PRKCE: variants seen among roughly 807,000 people sequenced by gnomAD.
PRKCE encodes the protein protein kinase C epsilon, also known as protein kinase C epsilon type.
In PRKCE, 16 loss-of-function variants were observed where a neutral mutation model predicts 85.4. The ratio of observed to expected loss-of-function variants is 0.19; its 90% CI spans 0.13 to 0.28. The LOEUF (loss-of-function observed/expected upper bound fraction) is 0.28, where lower values mean the gene tolerates loss of function less well. Among genes scored for constraint, PRKCE ranks in the 10% least tolerant of loss-of-function variants. PRKCE has a pLI of 1.00. For synonymous variants in PRKCE, 388 were observed against 371.5 expected, an observed-to-expected ratio of 1.04 and a Z score of -0.51; for missense variants, 573 against 975.2, an observed-to-expected ratio of 0.59 and a Z score of 5.49.
chr2:45,793,904 T>C (rs111279205), intron 1 of PRKCE, among the ~76,000 whole-genome samples: 11 of 152,334 alleles, frequency 7.2e-5, no homozygotes, highest in African/African-American at 2.4e-4. Flanking sequence ...ACATTTTTTT[T>C]TTCTTGCTTG....
At chr2:46,064,250 C>G (rs1667412598) in intron 10 of PRKCE, among the ~76,000 whole-genome samples, 1 of 146,598 alleles carries the variant, frequency 6.8e-6, no homozygotes, top group Non-Finnish European at 1.5e-5. Context: ...CCACTGCATT[C>G]CACCTGGGTG....
At chr2:46,168,907 C>G (rs905464092) in intron 14 of PRKCE, among the ~76,000 whole-genome samples, 1 of 152,146 alleles carries the variant, frequency 6.6e-6, no homozygotes, top group South Asian at 2.1e-4. Context: ...TAAGCAATGC[C>G]CTCCTGCCTA....
chr2:45,733,775 G>A (rs140654715), intron 1 of PRKCE, among the ~76,000 whole-genome samples: 90 of 152,248 alleles, frequency 5.9e-4, no homozygotes, highest in African/African-American at 2.1e-3. Context: ...GGGGCTTCAA[G>A]GGACCTGGAT....
rs150939556 is a variant in PRKCE at position 45,791,105 on chromosome 2, A to G, written c.349-51895A>G. ...GTGAAGAAGGGAAGGTTTTGTGTAG[A>G]GGTCTCTGAATTGGCTGGTAGAGGT... On this transcript the variant is annotated intron_variant, in intron 1 of 14. Coordinates refer to ENST00000306156, the MANE Select transcript of PRKCE (RefSeq NM_005400.3). Among the ~76,000 whole-genome samples the G allele has an allele frequency of 7.6e-3, 1,157 of 152,292 alleles. 49 individuals carry two copies. Among genetic ancestry groups the G allele is most frequent in the Admixed American group, 0.062 (942 of 15,300 alleles).
intron 2 of PRKCE, among the ~76,000 whole-genome samples, chr2:45,844,526 G>A (rs1691623032): frequency 6.6e-6 from 1 of 152,224 alleles, no homozygotes; most frequent in Non-Finnish European, 1.5e-5. Flanking sequence ...AGAGCAAGCA[G>A]TGAGGTGAAG....
In PRKCE at chr2:45,760,874, C is replaced by T. The variant is rs528053632; in HGVS notation, c.349-82126C>T. 7.3e-4 allele frequency among the ~76,000 whole-genome samples: 111 copies of T among 152,218 alleles called. 1 individual carries two copies. In the Middle Eastern group the frequency reaches 0.01, roughly 14 times the overall value. On this transcript the variant is annotated intron_variant, in intron 1 of 14. Coordinates refer to ENST00000306156, the MANE Select transcript of PRKCE (RefSeq NM_005400.3). ...TGGTGTCCAGAGGCATAAAGGGAAA[C>T]GCACGTCTGATTCCAGAGTCCAGAG... is the stretch of plus-strand genomic sequence containing the variant.
intron 10 of PRKCE, among the ~76,000 whole-genome samples, chr2:46,040,003 T>C (rs1395468678): frequency 1.3e-5 from 2 of 152,238 alleles, no homozygotes; most frequent in Non-Finnish European, 2.9e-5. Context: ...CATTTTTACC[T>C]ACTGAGGGGA....
chr2:46,031,933 T>C lies in PRKCE; in HGVS notation c.1437+21416T>C, dbSNP rs539378590. Among the ~76,000 whole-genome samples the C allele has an allele frequency of 7.1e-4, 108 of 152,288 alleles. 1 individual carries two copies. The highest frequency in any genetic ancestry group is 3.4e-3 in the Middle Eastern group (1 of 294). On this transcript the variant is annotated intron_variant, in intron 10 of 14. Coordinates refer to ENST00000306156, the MANE Select transcript of PRKCE (RefSeq NM_005400.3). ...CTCTTCCCACCCACACAAACTCATC[T>C]CACAGCCTCTTAGCAATAGGGTATC...
chr2:46,083,898 G>C (rs927850319), intron 10 of PRKCE, among the ~76,000 whole-genome samples: 10 of 152,182 alleles, frequency 6.6e-5, no homozygotes, highest in Non-Finnish European at 1.3e-4. Context: ...AGATACCTAG[G>C]CAGAAACCAG....
At chr2:45,781,159 C>CA (rs1341679874) in intron 1 of PRKCE, among the ~76,000 whole-genome samples, 1 of 150,866 alleles carries the variant, frequency 6.6e-6, no homozygotes, top group African/African-American at 2.5e-5. Context: ...ATACGGAGAC[C>CA]CCCCCATCTC....
At chr2:45,959,795 A>T (rs1701257605) in intron 2 of PRKCE, among the ~76,000 whole-genome samples, 1 of 152,226 alleles carries the variant, frequency 6.6e-6, no homozygotes, top group Admixed American at 6.5e-5. Flanking sequence ...GTCCACACAA[A>T]TGAGCTAAAG....
intron 2 of PRKCE, among the ~76,000 whole-genome samples, chr2:45,931,482 C>A (rs1427811496): frequency 1.3e-5 from 2 of 152,184 alleles, no homozygotes; most frequent in Non-Finnish European, 2.9e-5. Flanking sequence ...TAAATTTTCC[C>A]CACTCCCTAA....
intron 2 of PRKCE, among the ~76,000 whole-genome samples, chr2:45,935,463 T>C (rs189897611): frequency 1.1e-3 from 171 of 152,270 alleles, no homozygotes; most frequent in African/African-American, 3.9e-3. Context: ...TAAACAAAAG[T>C]GTTTTTCTTT....
At chr2:46,059,141 C>T (rs926277082) in intron 10 of PRKCE, among the ~76,000 whole-genome samples, 6 of 152,040 alleles carry the variant, frequency 3.9e-5, no homozygotes, top group Admixed American at 1.3e-4. Flanking sequence ...GTCCCAGCTA[C>T]TTGGGAGGCT....
intron 1 of PRKCE, among the ~76,000 whole-genome samples, chr2:45,825,566 A>G (rs1689879295): frequency 6.6e-6 from 1 of 152,190 alleles, no homozygotes; most frequent in Admixed American, 6.5e-5. Flanking sequence ...GCATGAAATC[A>G]ATGTTACACC....
chr2:45,754,634 C>A (rs1447606584), intron 1 of PRKCE, among the ~76,000 whole-genome samples: 1 of 152,190 alleles, frequency 6.6e-6, no homozygotes, highest in Non-Finnish European at 1.5e-5. Flanking sequence ...CTGTGCCTGC[C>A]CCCTTGAGGG....
intron 10 of PRKCE, among the ~76,000 whole-genome samples, chr2:46,073,064 G>T (rs1375058): frequency 0.93 from 140,854 of 152,244 alleles, 65,194 homozygotes; most frequent in East Asian, 1. Context: ...TGGAAATCTG[G>T]ATGCTTTAAA....
intron 1 of PRKCE, among the ~76,000 whole-genome samples, chr2:45,782,634 C>T (rs1026396550): frequency 2.0e-5 from 3 of 152,126 alleles, no homozygotes; most frequent in African/African-American, 7.2e-5. Flanking sequence ...GTGTTTGACC[C>T]TCAGATTTGG....
intron 1 of PRKCE, among the ~76,000 whole-genome samples, chr2:45,744,213 G>C (rs917223899): frequency 6.6e-6 from 1 of 152,116 alleles, no homozygotes; most frequent in African/African-American, 2.4e-5. Flanking sequence ...AATATTCGTA[G>C]CTCAGGCACA....
Sources: gnomAD v4.1 joint callset for allele counts (sites outside exome capture counted in the v4.1 genomes callset) on GRCh38, gnomAD v4.1.1 for gene constraint, MANE v1.5 for transcripts, NCBI Gene and HGNC (gene_info 2026-07-23, HGNC 2026-07-21) for gene names.